Variants in RIMKLA observed in about 807,000 individuals in gnomAD.
The protein encoded by RIMKLA is N-acetylaspartylglutamate synthase A.
Under a neutral mutation model 32.7 loss-of-function variants are expected in RIMKLA, and 14 were observed. The ratio of observed to expected loss-of-function variants is 0.43; its 90% confidence interval spans 0.28 to 0.67. The LOEUF is 0.67. Among genes scored for constraint, RIMKLA ranks in the 30% least tolerant of loss-of-function variants. The pLI, the probability that RIMKLA is intolerant of heterozygous loss-of-function variation, is 0.18. For synonymous variants in RIMKLA, 176 were observed against 204.1 expected (o/e 0.86, Z 1.18); for missense variants, 410 against 519.0 (o/e 0.79, Z 2.04).
At chr1:42,408,961 A>G (rs1439844700) in intron 3 of RIMKLA, among the ~76,000 whole-genome samples, 1 of 151,956 alleles carries the variant, frequency 6.6e-6, no homozygotes, top group Non-Finnish European at 1.5e-5. Context: ...TAATCCCAGC[A>G]CTTTGGGAGG....
At chr1:42,403,654 T>G (rs1007541468) in intron 2 of RIMKLA, among the ~76,000 whole-genome samples, 2 of 152,180 alleles carry the variant, frequency 1.3e-5, no homozygotes, top group Non-Finnish European at 2.9e-5. Flanking sequence ...CTTGGTTTCT[T>G]TGAGTGTTGG....
At position 42,386,738 on chromosome 1, in the gene RIMKLA, A is replaced by G. The variant is rs574794351; in HGVS notation, c.163+5641A>G. Among the ~76,000 whole-genome samples the G allele has an allele frequency of 2.7e-4, 41 of 150,662 alleles. No individual in the cohort carries two copies. In the South Asian group the frequency reaches 8.2e-3, roughly 30 times the overall value. ...TAAAAAAAAAAAAAATACAAAAATT[A>G]CCCAGGCTTGGTGGCATGCACCTGT... On this transcript the variant is annotated intron_variant, in intron 1 of 4. Transcript: ENST00000431473.
At chr1:42,388,092 G>A (rs1642965697) in intron 1 of RIMKLA, among the ~76,000 whole-genome samples, 1 of 152,132 alleles carries the variant, frequency 6.6e-6, no homozygotes, top group African/African-American at 2.4e-5. Context: ...CAAGGGATGA[G>A]TATTAGGAGA....
chr1:42,396,673 G>A (rs946314850), intron 1 of RIMKLA, among the ~76,000 whole-genome samples: 2 of 152,118 alleles, frequency 1.3e-5, no homozygotes, highest in South Asian at 2.1e-4. Flanking sequence ...GCTGCTTCTC[G>A]TTTCTCTAGG....
At chr1:42,385,844 C>CTCTTTCTTTCTTTCTTTCTTTCTT (rs1162584737) in intron 1 of RIMKLA, among the ~76,000 whole-genome samples, 12 of 57,080 alleles carry the variant, frequency 2.1e-4, no homozygotes, top group East Asian at 6.5e-4. Flanking sequence ...TTCTTTCTTT[C>CTCTTTCTTTCTTTCTTTCTTTCTT]TCTTTCTTTC....
At chr1:42,413,113 G>A (rs752769319) in intron 4 of RIMKLA, among the ~76,000 whole-genome samples, 32 of 151,988 alleles carry the variant, frequency 2.1e-4, no homozygotes, top group Non-Finnish European at 4.3e-4. Flanking sequence ...CAGCCTGGGC[G>A]ACAGAGTGAG....
At chr1:42,410,996 G>A (rs1352637651) in intron 4 of RIMKLA, among the ~76,000 whole-genome samples, 2 of 152,198 alleles carry the variant, frequency 1.3e-5, no homozygotes, top group Non-Finnish European at 2.9e-5. Context: ...ATGTAGAGAT[G>A]ATGAGAGAGC....
intron 3 of RIMKLA, among the ~76,000 whole-genome samples, chr1:42,407,216 G>A (rs969011391): frequency 2.6e-5 from 4 of 152,140 alleles, no homozygotes; most frequent in African/African-American, 9.7e-5. Flanking sequence ...GTATAATGTA[G>A]ATTCTAAATC....
Position 42,414,812 on chromosome 1 carries a change from C to T in RIMKLA, c.1014C>T (p.Ser338=), listed in dbSNP as rs201885413. Residue 338 remains serine, a synonymous_variant, in exon 5 of 5, where the codon AGC becomes AGT. Coordinates refer to ENST00000431473, the MANE Select transcript of RIMKLA (RefSeq NM_173642.4). ...CTTCAGCTCAGGGAGTTGCAGAGAG[C>T]GTCTATACCATCAACAGTGGGTCTA... ...GCASAQGVAE[S]VYTINSGSTS... 3.7e-6 allele frequency: 6 copies of T among 1,614,108 alleles called. No homozygotes were observed. The highest frequency in any genetic ancestry group is 1.7e-5 in the Admixed American group (1 of 60,020).
chr1:42,410,002 C>T lies in RIMKLA; in HGVS notation c.500C>T (p.Ala167Val). 6.2e-7 allele frequency: 1 copy of T among 1,613,932 alleles called. No individual in the cohort carries two copies. Among genetic ancestry groups the T allele is most frequent in the Non-Finnish European group, 8.5e-7 (1 of 1,179,834 alleles). The change falls in exon 4 of 5, where the codon GCA becomes GTA. Residue 167 changes from alanine (A) to valine (V), a missense_variant. Ala to Val is a moderately conservative substitution (Grantham distance 64). Coordinates refer to ENST00000431473, the MANE Select transcript of RIMKLA (RefSeq NM_173642.4). ...CTTAAAGGAAAAGCTGTTTTTCTGG[C>T]AAGAGATAAACATCACCTCTCTGAC... ...RGHRGKAVFL[A>V]RDKHHLSDIC...
At chr1:42,392,077 T>C (rs147858293) in intron 1 of RIMKLA, among the ~76,000 whole-genome samples, 1 of 152,332 alleles carries the variant, frequency 6.6e-6, no homozygotes, top group African/African-American at 2.4e-5. Flanking sequence ...TAAGATGCAA[T>C]GTCTTACTAT....
At chr1:42,399,725 G>C in intron 2 of RIMKLA, 91 bp downstream of exon 2, 1 of 779,490 alleles carries the variant, frequency 1.3e-6, no homozygotes, top group East Asian at 2.7e-5. Context: ...TTTTGAATGT[G>C]AGTCTGTTGA....
At position 42,384,551 on chromosome 1, in the gene RIMKLA, G is replaced by GTGTGTATATATACATATATA. The variant is rs1190846710; in HGVS notation, c.163+3466_163+3485dup. On this transcript the variant is annotated intron_variant, in intron 1 of 4. Coordinates refer to ENST00000431473, the MANE Select transcript of RIMKLA (RefSeq NM_173642.4). ...TATATACATATATATGTATATATATGTGTGTATATATACATATATATGTGT... is the reference window on the plus strand; with the variant it reads ...TATATACATATATATGTATATATATGTGTGTATATATACATATATATGTGTATATATACATATATATGTGT... 2.8e-3 allele frequency among the ~76,000 whole-genome samples: 413 copies of GTGTGTATATATACATATATA among 145,240 alleles called. 3 individuals are homozygous for GTGTGTATATATACATATATA. The highest frequency in any genetic ancestry group is 0.01 in the African/African-American group (404 of 38,702).
At chr1:42,386,113 G>A (rs1366375887) in intron 1 of RIMKLA, among the ~76,000 whole-genome samples, 1 of 151,650 alleles carries the variant, frequency 6.6e-6, no homozygotes, top group Non-Finnish European at 1.5e-5. Flanking sequence ...AGTAGAGATG[G>A]GGTTTCACCA....
intron 1 of RIMKLA, among the ~76,000 whole-genome samples, chr1:42,399,192 C>T (rs1484487572): frequency 6.6e-6 from 1 of 152,058 alleles, no homozygotes; most frequent in Non-Finnish European, 1.5e-5. Context: ...TCTTTCTGGT[C>T]ATTCCTTTGT....
chr1:42,405,679 C>T (rs1216116818), intron 3 of RIMKLA, among the ~76,000 whole-genome samples: 1 of 152,172 alleles, frequency 6.6e-6, no homozygotes, highest in Non-Finnish European at 1.5e-5. Flanking sequence ...ACAAACTAGA[C>T]CCAGTCACTG....
At position 42,416,729 on chromosome 1, in the gene RIMKLA, G is replaced by A. The variant is rs1038952500; in HGVS notation, c.*1755G>A. On this transcript the variant is annotated 3_prime_UTR_variant, in exon 5 of 5. Coordinates refer to ENST00000431473, the MANE Select transcript of RIMKLA (RefSeq NM_173642.4). ...TTACTCTGCCATAAATGTAAAATGT[G>A]TATAAAGTTAAGCTATTGCATTTTT... 18 of 152,328 alleles carry A rather than the reference G, an allele frequency of 1.2e-4. No individual in the cohort carries two copies. The highest frequency in any genetic ancestry group is 4.1e-4 in the African/African-American group (17 of 41,576). 9.4% of individuals were successfully genotyped at this position (152,328 alleles called of 1,614,324 possible).
At chr1:42,393,778 C>G (rs1052404952) in intron 1 of RIMKLA, among the ~76,000 whole-genome samples, 25 of 152,082 alleles carry the variant, frequency 1.6e-4, no homozygotes, top group African/African-American at 6.0e-4. Context: ...GGATTATCCA[C>G]TTTTATTTTT....
At chr1:42,400,479 G>A (rs770089558) in intron 2 of RIMKLA, among the ~76,000 whole-genome samples, 3 of 152,224 alleles carry the variant, frequency 2.0e-5, no homozygotes, top group Non-Finnish European at 4.4e-5. Flanking sequence ...CTAACAGTGG[G>A]AATGAAGATG....
Sources: allele counts gnomAD v4.1 joint callset (sites outside exome capture counted in the v4.1 genomes callset), GRCh38; gene constraint gnomAD v4.1.1; transcripts MANE v1.5; gene names NCBI Gene and HGNC (gene_info 2026-07-23, HGNC 2026-07-21).